Variants in BTBD10 observed in about 807,000 individuals in gnomAD.
BTBD10 encodes the protein BTB/POZ domain-containing protein 10.
In BTBD10, 21 loss-of-function variants were observed where a neutral mutation model predicts 53.2. The observed-to-expected ratio is 0.39, with a 90% CI of 0.28 to 0.57. The LOEUF (loss-of-function observed/expected upper bound fraction) is 0.57, where lower values mean the gene tolerates loss of function less well. BTBD10 is among the 20% of genes least tolerant of loss of function. BTBD10 has a pLI of 0.53. For missense variants in BTBD10, 360 were observed against 594.7 expected (o/e 0.61, Z 4.10); for synonymous variants, 149 against 192.7 (o/e 0.77, Z 1.88).
At chr11:13,395,533 C>G (rs1189768374) in intron 8 of BTBD10, among the ~76,000 whole-genome samples, 3 of 152,162 alleles carry the variant, frequency 2.0e-5, no homozygotes, top group Non-Finnish European at 4.4e-5. Context: ...TGCAGAAGCT[C>G]TTTAGTTTAA....
At chr11:13,426,936 C>T (rs1172681544) in intron 2 of BTBD10, among the ~76,000 whole-genome samples, 2 of 152,074 alleles carry the variant, frequency 1.3e-5, no homozygotes, top group African/African-American at 2.4e-5. Context: ...ACTGTCTAAA[C>T]CATAAAAGGT....
At chr11:13,444,524 G>A (rs1213235695) in intron 2 of BTBD10, among the ~76,000 whole-genome samples, 2 of 152,042 alleles carry the variant, frequency 1.3e-5, no homozygotes, top group African/African-American at 4.8e-5. Context: ...ATTTCACGCA[G>A]CAAACTTTAA....
At chr11:13,453,334 T>C (rs190537044) in intron 1 of BTBD10, among the ~76,000 whole-genome samples, 1 of 152,010 alleles carries the variant, frequency 6.6e-6, no homozygotes, top group African/African-American at 2.4e-5. Context: ...CACACACTCA[T>C]CCATGCTTGT....
intron 2 of BTBD10, among the ~76,000 whole-genome samples, chr11:13,430,076 T>A (rs1031393172): frequency 3.9e-5 from 6 of 152,100 alleles, no homozygotes; most frequent in African/African-American, 4.8e-5. Context: ...GCTACTGCAC[T>A]CTAGCCTGGG....
intron 1 of BTBD10, among the ~76,000 whole-genome samples, chr11:13,457,613 A>C (rs1950998648): frequency 6.6e-6 from 1 of 152,254 alleles, no homozygotes; most frequent in Admixed American, 6.5e-5. Flanking sequence ...AACTCAAAGT[A>C]TAAAAAAGAC....
At position 13,389,118 on chromosome 11, in the gene BTBD10, C is replaced by G. The variant is rs147243996; in HGVS notation, c.1141G>C (p.Val381Leu). 2 of 1,611,662 alleles carry G rather than the reference C, an allele frequency of 1.2e-6. No individual in the cohort carries two copies. The highest frequency in any genetic ancestry group is 1.7e-6 in the Non-Finnish European group (2 of 1,179,122). Residue 381 changes from valine to leucine, a missense_variant, in exon 9 of 9, where the codon GTA becomes CTA. Physicochemically the swap from Val to Leu is conservative, Grantham distance 32. This residue lies in a region of BTBD10 where 52 missense variants were observed against 180.4 expected (regional missense o/e 0.29). Transcript: ENST00000278174. ...IEGYPTYKEK[V>L]KKRPGGRPEV... Reference sequence around the variant, plus strand: ...GGGCGGCCTCCAGGCCTTTTCTTTACTTTTTCTTTGTAGGTAGGATAACCT... The same window carrying G: ...GGGCGGCCTCCAGGCCTTTTCTTTAGTTTTTCTTTGTAGGTAGGATAACCT...
intron 2 of BTBD10, among the ~76,000 whole-genome samples, chr11:13,426,237 A>G (rs144400147): frequency 1.3e-5 from 2 of 152,288 alleles, no homozygotes; most frequent in Non-Finnish European, 2.9e-5. Flanking sequence ...ACAGCCAGTA[A>G]AAACATCTTT....
intron 5 of BTBD10, among the ~76,000 whole-genome samples, chr11:13,414,264 C>A (rs1211764287): frequency 6.6e-6 from 1 of 152,166 alleles, no homozygotes; most frequent in East Asian, 1.9e-4. Context: ...ACCCCAGAAT[C>A]ACAGATAAGT....
intron 6 of BTBD10, among the ~76,000 whole-genome samples, chr11:13,407,779 G>A (rs1949862621): frequency 6.6e-6 from 1 of 152,206 alleles, no homozygotes; most frequent in Admixed American, 6.5e-5. Context: ...GAGCATGGCT[G>A]AGGAGACAGC....
At chr11:13,457,417 C>T (rs1422476057) in intron 1 of BTBD10, among the ~76,000 whole-genome samples, 1 of 152,088 alleles carries the variant, frequency 6.6e-6, no homozygotes. Context: ...TACATGCATC[C>T]ACACAATAGA....
intron 2 of BTBD10, among the ~76,000 whole-genome samples, chr11:13,422,193 A>C (rs1950254749): frequency 6.6e-6 from 1 of 152,206 alleles, no homozygotes; most frequent in East Asian, 1.9e-4. Flanking sequence ...TAGGGGAAGA[A>C]GAGAAGGCAA....
At chr11:13,400,537 G>T (rs1360539942) in intron 8 of BTBD10, among the ~76,000 whole-genome samples, 1 of 152,208 alleles carries the variant, frequency 6.6e-6, no homozygotes, top group African/African-American at 2.4e-5. Flanking sequence ...CACGCACGGT[G>T]CGCTGCACCC....
intron 8 of BTBD10, among the ~76,000 whole-genome samples, chr11:13,396,622 T>G (rs1363106879): frequency 6.6e-6 from 1 of 152,214 alleles, no homozygotes; most frequent in Admixed American, 6.5e-5. Context: ...TTGTGCCAGT[T>G]TTCAAAGGGA....
intron 1 of BTBD10, among the ~76,000 whole-genome samples, chr11:13,462,209 G>C (rs1297418476): frequency 6.6e-6 from 1 of 152,068 alleles, no homozygotes; most frequent in Admixed American, 6.6e-5. Flanking sequence ...TAGTTGGGGG[G>C]TTGGGAGGAT....
At chr11:13,436,151 G>A (rs1288021140) in intron 2 of BTBD10, among the ~76,000 whole-genome samples, 3 of 152,190 alleles carry the variant, frequency 2.0e-5, no homozygotes, top group Non-Finnish European at 4.4e-5. Flanking sequence ...TACTGCTAAT[G>A]ACAGGGAAGG....
At chr11:13,451,457 T>A (rs560133397) in intron 1 of BTBD10, among the ~76,000 whole-genome samples, 1 of 152,182 alleles carries the variant, frequency 6.6e-6, no homozygotes, top group African/African-American at 2.4e-5. Flanking sequence ...TCTGCCCAAA[T>A]TCTTGGCTGA....
chr11:13,455,265 A>G (rs1476192363), intron 1 of BTBD10, among the ~76,000 whole-genome samples: 10 of 152,242 alleles, frequency 6.6e-5, no homozygotes, highest in Non-Finnish European at 1.5e-5. Flanking sequence ...TAAGACTTCC[A>G]AAGTCAGCTC....
chr11:13,429,269 T>C (rs1950403795), intron 2 of BTBD10, among the ~76,000 whole-genome samples: 1 of 152,178 alleles, frequency 6.6e-6, no homozygotes, highest in Non-Finnish European at 1.5e-5. Context: ...CCAAGTAGGC[T>C]TGCTTGTCAA....
intron 4 of BTBD10, 102 bp downstream of exon 4, chr11:13,419,358 T>C (rs12418928): frequency 0.056 from 79,445 of 1,420,844 alleles, 2,664 homozygotes; most frequent in South Asian, 0.11. Flanking sequence ...AAAACAGAAA[T>C]GTTACATTTC....
Sources: allele counts gnomAD v4.1 joint callset (sites outside exome capture counted in the v4.1 genomes callset), GRCh38; gene constraint gnomAD v4.1.1; regional missense constraint gnomAD v4.1.1; transcripts MANE v1.5; gene names NCBI Gene and HGNC (gene_info 2026-07-23, HGNC 2026-07-21).